The following RHOBTB1 variants were observed in gnomAD, a reference collection of about 807,000 sequenced individuals.
RHOBTB1 encodes the protein rho-related BTB domain-containing protein 1.
RHOBTB1 carries 40 observed loss-of-function variants against 71.6 expected under a neutral mutation model. The observed-to-expected ratio is 0.56, with a 90% CI of 0.43 to 0.73. The LOEUF is 0.73. RHOBTB1 is among the 30% of genes least tolerant of loss of function. The pLI, the probability that RHOBTB1 is intolerant of heterozygous loss-of-function variation, is 0.00. For missense variants in RHOBTB1, 797 were observed against 894.0 expected, an observed-to-expected ratio of 0.89 and a Z score of 1.38; for synonymous variants, 319 against 334.9, an observed-to-expected ratio of 0.95 and a Z score of 0.52.
intron 4 of RHOBTB1, among the ~76,000 whole-genome samples, chr10:60,900,903 C>G (rs981374605): frequency 6.6e-6 from 1 of 152,120 alleles, no homozygotes; most frequent in African/African-American, 2.4e-5. Flanking sequence ...TCTAAAAAAT[C>G]TCTTTACCCC....
At chr10:60,871,677 A>G (rs1017365923) in intron 10 of RHOBTB1, 26 bp from the exon 11 acceptor site, 1 of 1,608,038 alleles carries the variant, frequency 6.2e-7, no homozygotes, top group Middle Eastern at 1.8e-4. Context: ...TGCAGACCAT[A>G]AGACCTGCGG....
chr10:60,930,588 A>G (rs1322028711), intron 2 of RHOBTB1, among the ~76,000 whole-genome samples: 1 of 152,232 alleles, frequency 6.6e-6, no homozygotes, highest in Non-Finnish European at 1.5e-5. Context: ...GCAGAGTGAC[A>G]TAGCAGAAAG....
At chr10:60,879,943 C>G (rs1277483875) in intron 7 of RHOBTB1, among the ~76,000 whole-genome samples, 1 of 152,080 alleles carries the variant, frequency 6.6e-6, no homozygotes, top group Non-Finnish European at 1.5e-5. Context: ...TGAACATGTA[C>G]AGACTTTTTT....
intron 2 of RHOBTB1, among the ~76,000 whole-genome samples, chr10:60,938,206 G>A (rs1897369): frequency 0.59 from 89,619 of 152,018 alleles, 26,984 homozygotes; most frequent in East Asian, 0.78. Context: ...CCATATCTTT[G>A]CACGACTGGA....
downstream of RHOBTB1, among the ~76,000 whole-genome samples, chr10:60,868,941 T>C (rs144783545): frequency 5.6e-3 from 856 of 152,322 alleles, 5 homozygotes; most frequent in African/African-American, 0.019. Context: ...CTCAGAAAAG[T>C]CCCTCAATGA....
chr10:60,961,345 A>G (rs1451432118), intron 2 of RHOBTB1, among the ~76,000 whole-genome samples: 1 of 152,120 alleles, frequency 6.6e-6, no homozygotes, highest in African/African-American at 2.4e-5. Context: ...ACAATTCTGG[A>G]TGTATTATGT....
chr10:60,965,175 T>G (rs548144990), intron 2 of RHOBTB1, among the ~76,000 whole-genome samples: 2 of 152,126 alleles, frequency 1.3e-5, no homozygotes, highest in South Asian at 4.1e-4. Context: ...AAGACAAATA[T>G]TATAGCAGCA....
intron 2 of RHOBTB1, among the ~76,000 whole-genome samples, chr10:60,982,840 G>A (rs1427064024): frequency 6.6e-6 from 1 of 152,120 alleles, no homozygotes; most frequent in Admixed American, 6.5e-5. Flanking sequence ...TGACATTGAG[G>A]TTGAAATTCA....
intron 7 of RHOBTB1, 57 bp downstream of exon 7, chr10:60,886,055 T>C: frequency 3.9e-6 from 5 of 1,285,476 alleles, no homozygotes; most frequent in Non-Finnish European, 4.5e-6. Context: ...TTTATATAAA[T>C]ACACAGGCAC....
Position 60,877,776 on chromosome 10 carries a change from A to T in RHOBTB1, c.1726+132T>A. On this transcript the variant is annotated intron_variant, in intron 8 of 10. Transcript: ENST00000337910. ...GTCTGATGCAATTTGATTAATTCATATCATTCTACACAAGACAGTCCTATT... is the reference window on the plus strand; with the variant it reads ...GTCTGATGCAATTTGATTAATTCATTTCATTCTACACAAGACAGTCCTATT... 3 of 857,014 alleles carry T rather than the reference A, an allele frequency of 3.5e-6. No individual in the cohort carries two copies. The South Asian group carries it at 5.5e-5, about 16-fold the overall frequency. 53.1% of individuals were successfully genotyped at this position (857,014 alleles called of 1,614,324 possible).
chr10:60,883,018 G>A (rs2081396776), intron 7 of RHOBTB1, among the ~76,000 whole-genome samples: 2 of 152,130 alleles, frequency 1.3e-5, no homozygotes. Context: ...TACAGATGAG[G>A]AAACAGGTTT....
At chr10:60,868,408 G>A (rs541406424), downstream of RHOBTB1, among the ~76,000 whole-genome samples, 1 of 152,268 alleles carries the variant, frequency 6.6e-6, no homozygotes, top group South Asian at 2.1e-4. Context: ...TCATTCAGAA[G>A]TGCTGAACTC....
At chr10:60,884,868 A>C (rs1425062345) in intron 7 of RHOBTB1, among the ~76,000 whole-genome samples, 1 of 152,170 alleles carries the variant, frequency 6.6e-6, no homozygotes, top group East Asian at 1.9e-4. Context: ...CATCTGTCAA[A>C]TATACAAAGT....
At chr10:60,970,104 G>C (rs991027782) in intron 2 of RHOBTB1, among the ~76,000 whole-genome samples, 1 of 152,120 alleles carries the variant, frequency 6.6e-6, no homozygotes, top group African/African-American at 2.4e-5. Context: ...CCAATGCTGT[G>C]GATGAAGCTT....
chr10:60,897,702 C>T (rs1478226236), intron 4 of RHOBTB1, among the ~76,000 whole-genome samples: 3 of 152,084 alleles, frequency 2.0e-5, no homozygotes, highest in African/African-American at 7.2e-5. Flanking sequence ...CAATTACATA[C>T]ATATACATAT....
intron 7 of RHOBTB1, 142 bp downstream of exon 7, chr10:60,885,970 A>G: frequency 1.4e-6 from 1 of 695,486 alleles, no homozygotes; most frequent in East Asian, 2.5e-5. Flanking sequence ...ATAGCTCCTT[A>G]TGATTATGAC....
rs779078571 is a variant in RHOBTB1 at position 60,886,204 on chromosome 10, C to A, written c.1483G>T (p.Ala495Ser). 2.5e-6 allele frequency: 4 copies of A among 1,614,026 alleles called. No homozygotes were observed. The South Asian group carries it at 4.4e-5, about 18-fold the overall frequency. ...SDVTFKLDDGAISAHKPLLIC... is the reference protein window; with the variant it reads ...SDVTFKLDDGSISAHKPLLIC... ...AGCAGCGGCTTGTGGGCACTGATGG[C>A]TCCATCGTCCAATTTAAATGTCACG... The change falls in exon 7 of 11, where the codon GCC (alanine) becomes TCC (serine). Residue 495 changes from alanine (A) to serine (S), a missense_variant. Ala to Ser is a moderately conservative substitution (Grantham distance 99). Coordinates refer to ENST00000337910, the MANE Select transcript of RHOBTB1 (RefSeq NM_014836.5).
intron 4 of RHOBTB1, among the ~76,000 whole-genome samples, chr10:60,909,936 A>C (rs977487420): frequency 2.6e-5 from 4 of 152,230 alleles, no homozygotes; most frequent in Admixed American, 6.5e-5. Context: ...AAATGACAAT[A>C]AAAGTCCGTT....
At chr10:60,867,219 C>T (rs7894450), downstream of RHOBTB1, among the ~76,000 whole-genome samples, 39,233 of 152,092 alleles carry the variant, frequency 0.26, 7,062 homozygotes, top group African/African-American at 0.51. Flanking sequence ...ATCACCCTAA[C>T]TGGGACTACC....
Sources: gnomAD v4.1 joint callset for allele counts (sites outside exome capture counted in the v4.1 genomes callset) on GRCh38, gnomAD v4.1.1 for gene constraint, MANE v1.5 for transcripts, NCBI Gene and HGNC (gene_info 2026-07-23, HGNC 2026-07-21) for gene names.